GALNT18: variants seen among roughly 807,000 people sequenced by gnomAD.
GALNT18 encodes the protein polypeptide N-acetylgalactosaminyltransferase 18.
Under a neutral mutation model 69.5 loss-of-function variants are expected in GALNT18, and 44 were observed. The ratio of observed to expected loss-of-function variants is 0.63; its 90% CI spans 0.50 to 0.81. GALNT18 has a LOEUF of 0.81. Among genes scored for constraint, GALNT18 ranks in the 40% least tolerant of loss-of-function variants. GALNT18 has a pLI of 0.00. For missense variants in GALNT18, 715 were observed against 810.0 expected, an observed-to-expected ratio of 0.88 and a Z score of 1.42; for synonymous variants, 364 against 318.2, an observed-to-expected ratio of 1.14 and a Z score of -1.53.
At chr11:11,325,269 A>G (rs1849898317) in intron 9 of GALNT18, among the ~76,000 whole-genome samples, 1 of 152,250 alleles carries the variant, frequency 6.6e-6, no homozygotes, top group South Asian at 2.1e-4. Context: ...AAAACCAAAT[A>G]TCGTACGTTT....
intron 1 of GALNT18, among the ~76,000 whole-genome samples, chr11:11,506,575 T>C (rs1319835383): frequency 1.3e-5 from 2 of 152,194 alleles, no homozygotes; most frequent in Non-Finnish European, 2.9e-5. Flanking sequence ...GTGCTGGCCA[T>C]GCATCAACCA....
In GALNT18 at chr11:11,587,772, A is replaced by G. The variant is rs1193996031; in HGVS notation, c.235+33587T>C. Among the ~76,000 whole-genome samples the G allele has an allele frequency of 6.6e-6, 1 of 152,178 alleles. No individual in the cohort carries two copies. The highest frequency in any genetic ancestry group is 6.5e-5 in the Admixed American group (1 of 15,274). On this transcript the variant is annotated intron_variant, in intron 1 of 10. Transcript: ENST00000227756. The surrounding 1 kb of genome is among the most constrained non-coding windows in gnomAD (Gnocchi z 4.4). Reference sequence around the variant, plus strand: ...CAAACTTAAAGAAGAGGGAAAAGTCAATGGTTGGTAAAGCCCACCCCATCT... The same window carrying G: ...CAAACTTAAAGAAGAGGGAAAAGTCGATGGTTGGTAAAGCCCACCCCATCT...
chr11:11,401,966 T>C (rs1388358128), intron 3 of GALNT18, among the ~76,000 whole-genome samples: 1 of 152,236 alleles, frequency 6.6e-6, no homozygotes, highest in Non-Finnish European at 1.5e-5. Flanking sequence ...ACTGGCATTT[T>C]GGCTGGGCCT....
intron 9 of GALNT18, among the ~76,000 whole-genome samples, chr11:11,308,171 A>G (rs1374095165): frequency 6.6e-6 from 1 of 152,188 alleles, no homozygotes; most frequent in Non-Finnish European, 1.5e-5. Context: ...TTCTATCTCC[A>G]TATACGACTC....
chr11:11,469,604 A>C lies in GALNT18; in HGVS notation c.236-20668T>G, dbSNP rs1397286747. ...CCATGAGGGCCATTTAGGGCTGCTCACATAGGCTGTGAGCTCTCTGAAAGC... is the reference window on the plus strand; with the variant it reads ...CCATGAGGGCCATTTAGGGCTGCTCCCATAGGCTGTGAGCTCTCTGAAAGC... On this transcript the variant is annotated intron_variant, in intron 1 of 10. Coordinates refer to ENST00000227756, the MANE Select transcript of GALNT18 (RefSeq NM_198516.3). This position sits in a 1 kb window ranked among gnomAD's most constrained non-coding sequence, Gnocchi z 4.2. 1.3e-5 allele frequency among the ~76,000 whole-genome samples: 2 copies of C among 152,226 alleles called. No homozygotes were observed. The highest frequency in any genetic ancestry group is 2.9e-5 in the Non-Finnish European group (2 of 68,042).
chr11:11,569,316 T>TGCG (rs1858729022), intron 1 of GALNT18, among the ~76,000 whole-genome samples: 1 of 151,132 alleles, frequency 6.6e-6, no homozygotes, highest in Non-Finnish European at 1.5e-5. Context: ...GCTTTCTACT[T>TGCG]GTGGTTTATC....
In GALNT18 at chr11:11,592,779, A is replaced by AT; in HGVS notation, c.235+28579dup. Reference sequence around the variant, plus strand: ...GGGCCCATACTGAAAATTTTTTGACATATCTTCAAAGTATAAAGAGAAGGC... The same window carrying AT: ...GGGCCCATACTGAAAATTTTTTGACATTATCTTCAAAGTATAAAGAGAAGGC... On this transcript the variant is annotated intron_variant, in intron 1 of 10. Transcript: ENST00000227756. The surrounding 1 kb of genome is among the most constrained non-coding windows in gnomAD (Gnocchi z 5.9). Among the ~76,000 whole-genome samples, 1 of 152,312 alleles carries AT rather than the reference A, an allele frequency of 6.6e-6. No homozygotes were observed. Among genetic ancestry groups the AT allele is most frequent in the East Asian group, 1.9e-4 (1 of 5,184 alleles).
rs915760112 is a variant in GALNT18, at chr11:11,530,039, T to G, written c.236-81103A>C. 3.3e-5 allele frequency among the ~76,000 whole-genome samples: 5 copies of G among 152,106 alleles called. No homozygotes were observed. The South Asian group carries it at 1.0e-3, about 32-fold the overall frequency. ...CATACTGACATCCCACCTAGCAGCT[T>G]TGCTTGAAGTCAAGGCCTTAATTGC... On this transcript the variant is annotated intron_variant, in intron 1 of 10. Coordinates refer to ENST00000227756, the MANE Select transcript of GALNT18 (RefSeq NM_198516.3).
At chr11:11,437,344 C>T (rs1855425941) in intron 2 of GALNT18, among the ~76,000 whole-genome samples, 1 of 152,082 alleles carries the variant, frequency 6.6e-6, no homozygotes, top group Admixed American at 6.5e-5. Context: ...AAAAACAAGG[C>T]ATTTCTGAGA....
Position 11,285,043 on chromosome 11 carries a change from G to C in GALNT18, c.1677+7986C>G, listed in dbSNP as rs76249969. On this transcript the variant is annotated intron_variant, in intron 10 of 10. Transcript: ENST00000227756. Reference sequence around the variant, plus strand: ...GAAGATGGGGTAACAGGAACATCAAGTGCAAAGCACAGGTAGAGAGGGGTT... The same window carrying C: ...GAAGATGGGGTAACAGGAACATCAACTGCAAAGCACAGGTAGAGAGGGGTT... 1.2e-3 allele frequency among the ~76,000 whole-genome samples: 185 copies of C among 150,972 alleles called. 1 individual carries two copies. The highest frequency in any genetic ancestry group is 4.3e-3 in the African/African-American group (178 of 41,076).
rs1564918460 is a variant in GALNT18 at position 11,377,426 on chromosome 11, G to A, written c.780-47C>T. On this transcript the variant is annotated intron_variant, in intron 4 of 10. Transcript: ENST00000227756. This position sits in a 1 kb window ranked among gnomAD's most constrained non-coding sequence, Gnocchi z 4.6. Reference sequence around the variant, plus strand: ...AGAGAGGGTAACCATTTCCAAGGTGGAAAAATCCAGAGTAGCATCTCCTGA... The same window carrying A: ...AGAGAGGGTAACCATTTCCAAGGTGAAAAAATCCAGAGTAGCATCTCCTGA... The A allele has an allele frequency of 6.4e-7, 1 of 1,562,042 alleles. No individual in the cohort carries two copies. The highest frequency in any genetic ancestry group is 1.4e-5 in the African/African-American group (1 of 74,004).
intron 1 of GALNT18, among the ~76,000 whole-genome samples, chr11:11,477,123 T>C (rs1273506498): frequency 2.6e-5 from 4 of 152,198 alleles, no homozygotes; most frequent in African/African-American, 7.2e-5. Context: ...GCCTGACTCA[T>C]AGTGGAGAAA....
chr11:11,379,327 C>G, intron 3 of GALNT18, 63 bp from the exon 4 acceptor site: 1 of 1,478,782 alleles, frequency 6.8e-7, no homozygotes, highest in Non-Finnish European at 9.3e-7. Context: ...GGGGCAATCA[C>G]AACAGTCACT....
At chr11:11,327,325 A>C in intron 8 of GALNT18, 144 bp from the exon 9 acceptor site, 2 of 633,630 alleles carry the variant, frequency 3.2e-6, no homozygotes, top group Non-Finnish European at 2.8e-6. Context: ...TAGAACCAAC[A>C]AGCACCAGCT....
In GALNT18 at chr11:11,409,015, T is replaced by C. The variant is rs557277025; in HGVS notation, c.595+23606A>G. On this transcript the variant is annotated intron_variant, in intron 3 of 10. Transcript: ENST00000227756. ...ACCAACTCCTCCAACTTTGACGTGG[T>C]GGTGAGGCATTGAGGTGTCACGATG... 7.2e-5 allele frequency among the ~76,000 whole-genome samples: 11 copies of C among 152,286 alleles called. No individual in the cohort carries two copies. The South Asian group carries it at 2.1e-3, about 29-fold the overall frequency.
At chr11:11,292,978 T>C (rs770565303) in intron 10 of GALNT18, 51 bp downstream of exon 10, 6 of 1,336,680 alleles carry the variant, frequency 4.5e-6, no homozygotes, top group East Asian at 2.8e-5. Flanking sequence ...GAGGCCACTC[T>C]CCTGGTTTTC....
In GALNT18 at chr11:11,338,569, A is replaced by G. The variant is rs1045003535; in HGVS notation, c.1278+2250T>C. Among the ~76,000 whole-genome samples, 1 of 152,314 alleles carries G rather than the reference A, an allele frequency of 6.6e-6. No homozygotes were observed. Among genetic ancestry groups the G allele is most frequent in the East Asian group, 1.9e-4 (1 of 5,178 alleles). On this transcript the variant is annotated intron_variant, in intron 7 of 10. Coordinates refer to ENST00000227756, the MANE Select transcript of GALNT18 (RefSeq NM_198516.3). The surrounding 1 kb of genome is among the most constrained non-coding windows in gnomAD (Gnocchi z 5.3). ...CACCATGAACTGAGACAGGATGAGA[A>G]CAGGAGCAGATCTGGAGGAAGAAGA...
intron 1 of GALNT18, among the ~76,000 whole-genome samples, chr11:11,501,051 C>A (rs1009203171): frequency 5.3e-5 from 8 of 152,202 alleles, no homozygotes; most frequent in Non-Finnish European, 7.3e-5. Context: ...GGCAGCACCT[C>A]TGAGACGCCC....
chr11:11,370,920 A>T (rs1445502357), intron 6 of GALNT18, among the ~76,000 whole-genome samples: 1 of 152,192 alleles, frequency 6.6e-6, no homozygotes, highest in Non-Finnish European at 1.5e-5. Flanking sequence ...TGGGGTGAGC[A>T]TTTATCCAGG....
Sources: allele counts gnomAD v4.1 joint callset (sites outside exome capture counted in the v4.1 genomes callset), GRCh38; gene constraint gnomAD v4.1.1; non-coding constraint Gnocchi (gnomAD v3.1); transcripts MANE v1.5; gene names NCBI Gene and HGNC (gene_info 2026-07-23, HGNC 2026-07-21).